The following SIL1 variants were observed in gnomAD, a reference collection of about 807,000 sequenced individuals.
The protein encoded by SIL1 is SIL1 nucleotide exchange factor, also known as nucleotide exchange factor SIL1.
A neutral mutation model predicts 49.1 loss-of-function variants in SIL1; 40 were observed. The observed-to-expected ratio is 0.81, with a 90% CI of 0.63 to 1.06. The LOEUF (loss-of-function observed/expected upper bound fraction) is 1.06, where lower values mean the gene tolerates loss of function less well. Among genes scored for constraint, SIL1 ranks in the 50% least tolerant of loss-of-function variants. The pLI, the probability that SIL1 is intolerant of heterozygous loss-of-function variation, is 0.00. For synonymous variants in SIL1, 253 were observed against 250.8 expected, an observed-to-expected ratio of 1.01 and a Z score of -0.08; for missense variants, 500 against 572.6, an observed-to-expected ratio of 0.87 and a Z score of 1.29.
chr5:139,070,250 A>G (rs939784661), intron 3 of SIL1, among the ~76,000 whole-genome samples: 1 of 152,162 alleles, frequency 6.6e-6, no homozygotes, highest in African/African-American at 2.4e-5. Context: ...TCAAATCAGT[A>G]AAATTATTAC....
Position 139,121,264 on chromosome 5 carries a change from C to T in SIL1, c.106-91G>A, listed in dbSNP as rs1161457007. ...GCCTAGGGTGGCACGTTCTTTTCCT[C>T]CATGCCCCTCTCCCCCACAGCCTGA... is the stretch of plus-strand genomic sequence containing the variant. On this transcript the variant is annotated intron_variant, in intron 2 of 9. Coordinates refer to ENST00000394817, the MANE Select transcript of SIL1 (RefSeq NM_022464.5). 2.6e-6 allele frequency: 4 copies of T among 1,539,312 alleles called. No homozygotes were observed. In the African/African-American group the frequency reaches 4.1e-5, roughly 16 times the overall value.
In SIL1 at chr5:139,121,066, G is replaced by T; in HGVS notation, c.213C>A (p.His71Gln). The T allele has an allele frequency of 6.2e-7, 1 of 1,614,174 alleles. No homozygotes were observed. Among genetic ancestry groups the T allele is most frequent in the Non-Finnish European group, 8.5e-7 (1 of 1,180,048 alleles). The stretch of plus-strand genomic sequence containing the variant: ...GAAGGGCCTGCCACTCATGCGTCGG[G>T]TGGAACACCTCCAGGACTTCGGCAT... ...ELDAEVLEVF[H>Q]PTHEWQALQP... The change falls in exon 3 of 10, where the codon CAC (histidine) becomes CAA (glutamine). Residue 71 changes from histidine (H) to glutamine (Q), a missense_variant. His to Gln is a conservative substitution (Grantham distance 24). Transcript: ENST00000394817.
In SIL1 at chr5:138,946,731, T is replaced by G; in HGVS notation, c.*386A>C. 1 of 262,040 alleles carries G rather than the reference T, an allele frequency of 3.8e-6. No individual in the cohort carries two copies. The highest frequency in any genetic ancestry group is 5.1e-5 in the South Asian group (1 of 19,756). The allele number at this position is 262,040 out of a possible 1,614,324, so 16.2% of individuals were successfully genotyped here. On this transcript the variant is annotated 3_prime_UTR_variant, in exon 10 of 10. Transcript: ENST00000394817. ...CACTAGTGTGAAGCTTTCTACGTGA[T>G]TTTTCTCCTTTAATGGCACTCCTGA...
At chr5:139,081,300 G>C (rs929094770) in intron 3 of SIL1, among the ~76,000 whole-genome samples, 1 of 152,108 alleles carries the variant, frequency 6.6e-6, no homozygotes, top group African/African-American at 2.4e-5. Flanking sequence ...TGTAGCCCAG[G>C]CTGGAGTGCA....
intron 7 of SIL1, among the ~76,000 whole-genome samples, chr5:138,967,943 C>T (rs888408490): frequency 1.3e-5 from 2 of 152,114 alleles, no homozygotes; most frequent in Non-Finnish European, 2.9e-5. Flanking sequence ...AAGGAGGCCA[C>T]GCAGACAGGG....
intron 1 of SIL1, among the ~76,000 whole-genome samples, chr5:139,170,612 T>A (rs1247264569): frequency 7.2e-6 from 1 of 138,330 alleles, no homozygotes; most frequent in Non-Finnish European, 1.5e-5. Flanking sequence ...ATCTGAGAAG[T>A]GAGGAGACCC....
At chr5:139,068,533 A>G (rs1769756105) in intron 3 of SIL1, among the ~76,000 whole-genome samples, 1 of 152,136 alleles carries the variant, frequency 6.6e-6, no homozygotes, top group Non-Finnish European at 1.5e-5. Flanking sequence ...AACAGAGTCC[A>G]GATAAAACTG....
At chr5:139,053,590 G>T (rs958582180) in intron 3 of SIL1, among the ~76,000 whole-genome samples, 1 of 152,146 alleles carries the variant, frequency 6.6e-6, no homozygotes, top group Non-Finnish European at 1.5e-5. Flanking sequence ...TGCAGTATCT[G>T]GCCCCAGCCT....
At position 138,955,915 on chromosome 5, in the gene SIL1, A is replaced by G. The variant is rs532530605; in HGVS notation, c.768-4031T>C. Among the ~76,000 whole-genome samples, 2 of 152,306 alleles carry G rather than the reference A, an allele frequency of 1.3e-5. 1 individual carries two copies. The highest frequency in any genetic ancestry group is 4.1e-4 in the South Asian group (2 of 4,820). On this transcript the variant is annotated intron_variant, in intron 7 of 9. Transcript: ENST00000394817. ...GAAAAGTAAGCTTGAATTTCTGAAA[A>G]GGAAAACAACTGGAAAAGGCAGAGC...
intron 3 of SIL1, 25 bp downstream of exon 3, chr5:139,121,010 G>C (rs374919203): frequency 1.2e-4 from 195 of 1,613,446 alleles, no homozygotes; most frequent in Non-Finnish European, 1.6e-4. Context: ...AGTGTGTTTT[G>C]TGGGGACAGG....
chr5:139,001,703 G>C (rs1767986892), intron 7 of SIL1, among the ~76,000 whole-genome samples: 1 of 152,196 alleles, frequency 6.6e-6, no homozygotes, highest in Non-Finnish European at 1.5e-5. Context: ...TCAGGAGTTT[G>C]AGACCAGCCT....
intron 3 of SIL1, among the ~76,000 whole-genome samples, chr5:139,111,771 C>G (rs1410883130): frequency 1.3e-5 from 2 of 152,188 alleles, no homozygotes; most frequent in African/African-American, 2.4e-5. Flanking sequence ...CATCTCCCAG[C>G]ACAGCTCCTG....
rs551965084 is a variant in SIL1 at position 138,984,896 on chromosome 5, T to C, written c.768-33012A>G. Among the ~76,000 whole-genome samples the C allele has an allele frequency of 3.9e-5, 6 of 152,358 alleles. No individual in the cohort carries two copies. In the South Asian group the frequency reaches 1.2e-3, roughly 32 times the overall value. On this transcript the variant is annotated intron_variant, in intron 7 of 9. Transcript: ENST00000394817. ...GCTGTATCAGACACAGGGGATGAGA[T>C]GCTTCTCAGGCGCTATTCTTCACAA...
At chr5:139,123,800 C>T (rs543473003) in intron 2 of SIL1, among the ~76,000 whole-genome samples, 12 of 152,290 alleles carry the variant, frequency 7.9e-5, no homozygotes, top group South Asian at 6.2e-4. Flanking sequence ...ACCACTGTCA[C>T]GCAGGCATTC....
intron 1 of SIL1, among the ~76,000 whole-genome samples, chr5:139,189,787 CT>C (rs1752135685): frequency 1.3e-5 from 2 of 152,288 alleles, no homozygotes; most frequent in Admixed American, 1.3e-4. Flanking sequence ...TGCCACTGAA[CT>C]CCAGCCTGGG....
chr5:139,094,277 T>C (rs545764077), intron 3 of SIL1, among the ~76,000 whole-genome samples: 3 of 152,332 alleles, frequency 2.0e-5, no homozygotes, highest in Non-Finnish European at 2.9e-5. Flanking sequence ...AAACAGGTGA[T>C]ACAACAGAAT....
intron 7 of SIL1, among the ~76,000 whole-genome samples, chr5:138,967,465 A>G (rs1767169250): frequency 1.3e-5 from 2 of 152,228 alleles, no homozygotes; most frequent in South Asian, 4.1e-4. Context: ...CATTGGCCAG[A>G]AGACCCAGGC....
chr5:139,065,984 A>G (rs1188034162), intron 3 of SIL1, among the ~76,000 whole-genome samples: 3 of 152,216 alleles, frequency 2.0e-5, no homozygotes, highest in African/African-American at 7.2e-5. Context: ...ATAAAAGAGA[A>G]GGCAAATCCC....
At chr5:139,160,673 T>C (rs1344545389) in intron 1 of SIL1, among the ~76,000 whole-genome samples, 1 of 151,848 alleles carries the variant, frequency 6.6e-6, no homozygotes, top group African/African-American at 2.4e-5. Flanking sequence ...CGTCTCAAAA[T>C]GCAAAAATTA....
Sources: allele counts gnomAD v4.1 joint callset (sites outside exome capture counted in the v4.1 genomes callset), GRCh38; gene constraint gnomAD v4.1.1; transcripts MANE v1.5; gene names NCBI Gene and HGNC (gene_info 2026-07-23, HGNC 2026-07-21).